ZNF248: variants seen among roughly 807,000 people sequenced by gnomAD.
The protein encoded by ZNF248 is KRAB protein domain.
Under a neutral mutation model 44.3 loss-of-function variants are expected in ZNF248, and 20 were observed. That is an observed-to-expected ratio of 0.45 (90% CI 0.32 to 0.66). ZNF248 has a LOEUF of 0.66. ZNF248 is among the 30% of genes least tolerant of loss of function. The pLI, the probability that ZNF248 is intolerant of heterozygous loss-of-function variation, is 0.04. For synonymous variants in ZNF248, 224 were observed against 229.0 expected (o/e 0.98, Z 0.20); for missense variants, 654 against 677.0 (o/e 0.97, Z 0.38).
At chr10:37,804,371 T>C (rs1054439174) in intron 6 of ZNF248, among the ~76,000 whole-genome samples, 1 of 152,046 alleles carries the variant, frequency 6.6e-6, no homozygotes, top group Non-Finnish European at 1.5e-5. Context: ...GTAGAAAACA[T>C]AGTTATATAT....
intron 6 of ZNF248, chr10:37,818,929 C>G (rs1453516744): frequency 1.8e-6 from 2 of 1,108,974 alleles, no homozygotes; most frequent in African/African-American, 3.1e-5. Flanking sequence ...ACCCACCGAC[C>G]ACACAACAAT....
chr10:37,769,437 C>T, the ZNF248 span, among the ~76,000 whole-genome samples: 2 of 152,170 alleles, frequency 1.3e-5, no homozygotes, highest in Non-Finnish European at 2.9e-5. Context: ...ATCAAGTGGG[C>T]TTCATCCCTG....
downstream of ZNF248, among the ~76,000 whole-genome samples, chr10:37,825,379 A>G (rs2054213333): frequency 6.6e-6 from 1 of 152,102 alleles, no homozygotes; most frequent in Admixed American, 6.6e-5. Flanking sequence ...TAAGGTTGGA[A>G]TTTTTTTAAC....
intron 6 of ZNF248, among the ~76,000 whole-genome samples, chr10:37,792,260 T>C (rs2048650783): frequency 6.6e-6 from 1 of 152,146 alleles, no homozygotes; most frequent in African/African-American, 2.4e-5. Flanking sequence ...GGTGCCATCA[T>C]GGAACTGTTT....
downstream of ZNF248, among the ~76,000 whole-genome samples, chr10:37,825,693 G>A (rs761683912): frequency 7.2e-5 from 11 of 151,978 alleles, no homozygotes; most frequent in Non-Finnish European, 1.6e-4. Context: ...TTCCCACGTC[G>A]GCCTCCCAAA....
At position 37,831,871 on chromosome 10, in the gene ZNF248, T is replaced by C; in HGVS notation, c.1484A>G (p.Asn495Ser). 6.2e-7 allele frequency: 1 copy of C among 1,614,054 alleles called. No homozygotes were observed. The highest frequency in any genetic ancestry group is 1.3e-5 in the African/African-American group (1 of 75,022). Reference protein sequence around the residue: ...THTGEKPFICNECGKSFCVKS... With the variant: ...THTGEKPFICSECGKSFCVKS... ...CACACAGAAGGATTTTCCACATTCA[T>C]TACATATAAACGGTTTCTCCCCTGT... The change falls in exon 6 of 6, where the codon AAT becomes AGT. Residue 495 changes from asparagine to serine, a missense_variant. By Grantham distance (46) the Asn-to-Ser change is conservative. Transcript: ENST00000395867.
chr10:37,796,792 G>C (rs1203629645), intron 6 of ZNF248, among the ~76,000 whole-genome samples: 3 of 151,770 alleles, frequency 2.0e-5, no homozygotes, highest in Admixed American at 2.0e-4. Context: ...ACCATTTTGG[G>C]GGAGAACAGA....
chr10:37,834,515 T>G (rs923012142), intron 5 of ZNF248, among the ~76,000 whole-genome samples: 3 of 152,198 alleles, frequency 2.0e-5, no homozygotes, highest in Admixed American at 2.0e-4. Context: ...GCTACACAGA[T>G]AATCAACAAA....
intron 6 of ZNF248, chr10:37,819,579 C>T: frequency 2.3e-6 from 2 of 888,334 alleles, no homozygotes; most frequent in South Asian, 2.6e-5. Flanking sequence ...TGTGAGTTAT[C>T]TTCATTATGT....
Position 37,831,638 on chromosome 10 carries a change from C to T in ZNF248, c.1717G>A (p.Val573Met), listed in dbSNP as rs748004483. The T allele has an allele frequency of 3.7e-6, 6 of 1,613,540 alleles. No homozygotes were observed. The African/African-American group carries it at 5.3e-5, about 14-fold the overall frequency. ...ATTCAGGATGTTGAAAGAGCTTTCA[C>T]CCTTGTGTGAATTCTCTGATGTTTG... The part of the protein sequence containing the change: ...LTKHQRIHTR[V>M]KALSTS The change falls in exon 6 of 6, where the codon GTG becomes ATG. Residue 573 changes from valine (V) to methionine (M), a missense_variant. Physicochemically the swap from Val to Met is conservative, Grantham distance 21. Transcript: ENST00000395867.
downstream of ZNF248, among the ~76,000 whole-genome samples, chr10:37,825,419 T>C (rs1443109729): frequency 6.6e-6 from 1 of 152,096 alleles, no homozygotes; most frequent in Non-Finnish European, 1.5e-5. Flanking sequence ...ACTGTGACAA[T>C]GGTGGGCGCA....
intron 6 of ZNF248, among the ~76,000 whole-genome samples, chr10:37,780,964 GGGGACCGTGCGGGACACGTTTTTGTTC>G (rs2047237826): frequency 6.6e-6 from 1 of 152,200 alleles, no homozygotes; most frequent in African/African-American, 2.4e-5. Context: ...CACAGTTGTT[GGGGACCGTGCGGGACACGTTTTTGTTC>G]GGGACCATTC....
chr10:37,768,242 C>T, the ZNF248 span, among the ~76,000 whole-genome samples: 1 of 151,998 alleles, frequency 6.6e-6, no homozygotes, highest in African/African-American at 2.4e-5. Flanking sequence ...ACAAGGATAC[C>T]CAGGAATTGA....
chr10:37,848,848 C>A (rs1169894794), intron 3 of ZNF248, among the ~76,000 whole-genome samples: 1 of 152,136 alleles, frequency 6.6e-6, no homozygotes, highest in African/African-American at 2.4e-5. Flanking sequence ...AGAGGACACA[C>A]TTCTCAACAG....
At chr10:37,783,194 G>A (rs1288849541) in intron 6 of ZNF248, among the ~76,000 whole-genome samples, 2 of 152,098 alleles carry the variant, frequency 1.3e-5, no homozygotes, top group Non-Finnish European at 2.9e-5. Flanking sequence ...TCAAAGAATG[G>A]TGCCAAGTTT....
intron 6 of ZNF248, among the ~76,000 whole-genome samples, chr10:37,799,908 T>TA (rs983138978): frequency 6.6e-6 from 1 of 152,012 alleles, no homozygotes; most frequent in African/African-American, 2.4e-5. Context: ...TTTCTAGTAT[T>TA]AAAAAATACT....
At chr10:37,789,183 T>C (rs1050090080) in intron 6 of ZNF248, among the ~76,000 whole-genome samples, 5 of 152,140 alleles carry the variant, frequency 3.3e-5, no homozygotes, top group Non-Finnish European at 7.4e-5. Flanking sequence ...TTTTGGGTGA[T>C]ATAAATGTAA....
chr10:37,841,710 C>T (rs1234456497), intron 3 of ZNF248, among the ~76,000 whole-genome samples: 1 of 152,208 alleles, frequency 6.6e-6, no homozygotes, highest in East Asian at 1.9e-4. Context: ...CACACTACCT[C>T]CACCAGGTAA....
chr10:37,819,182 T>C (rs2053060985), intron 6 of ZNF248: 2 of 792,886 alleles, frequency 2.5e-6, no homozygotes, highest in Admixed American at 1.8e-5. Flanking sequence ...TTTATTTAAG[T>C]ACTTTAAAGC....
Sources: allele counts gnomAD v4.1 joint callset (sites outside exome capture counted in the v4.1 genomes callset), GRCh38; gene constraint gnomAD v4.1.1; transcripts MANE v1.5; gene names NCBI Gene and HGNC (gene_info 2026-07-23, HGNC 2026-07-21).